The following RHOT1 variants were observed in gnomAD, a reference collection of about 807,000 sequenced individuals.
RHOT1 encodes the protein ras homolog family member T1.
A neutral mutation model predicts 95.3 loss-of-function variants in RHOT1; 27 were observed. The ratio of observed to expected loss-of-function variants is 0.28; its 90% CI spans 0.21 to 0.39. The LOEUF is 0.39. RHOT1 is among the 10% of genes least tolerant of loss of function. The pLI is 1.00. For synonymous variants in RHOT1, 227 were observed against 263.5 expected (o/e 0.86, Z 1.34); for missense variants, 578 against 786.7 (o/e 0.73, Z 3.17).
rs2035231019 is a variant in RHOT1 at position 32,178,547 on chromosome 17, C to T, written c.329+2334C>T. On this transcript the variant is annotated intron_variant, in intron 6 of 19. Coordinates refer to ENST00000545287, the MANE Select transcript of RHOT1 (RefSeq NM_001033566.3). ...TGGGATCTCGGCTCGCTACAACCTT[C>T]ACCTCCCAGCCGCCTGCCTTGGCCT... 2.6e-5 allele frequency among the ~76,000 whole-genome samples: 4 copies of T among 152,140 alleles called. No homozygotes were observed. The South Asian group carries it at 8.3e-4, about 31-fold the overall frequency.
chr17:32,221,422 T>C (rs767905039), intron 19 of RHOT1, among the ~76,000 whole-genome samples: 3 of 151,308 alleles, frequency 2.0e-5, no homozygotes, highest in Non-Finnish European at 2.9e-5. Flanking sequence ...TTTATGAAAC[T>C]GTACTTGCCT....
At chr17:32,183,567 C>T (rs1644493475) in intron 8 of RHOT1, among the ~76,000 whole-genome samples, 1 of 152,182 alleles carries the variant, frequency 6.6e-6, no homozygotes, top group South Asian at 2.1e-4. Context: ...AGCTAATGGT[C>T]TTCTTGTTTT....
intron 1 of RHOT1, among the ~76,000 whole-genome samples, chr17:32,154,285 TAA>T (rs539073195): frequency 5.6e-5 from 7 of 124,756 alleles, no homozygotes; most frequent in Non-Finnish European, 8.5e-5. Flanking sequence ...TACGAGAAAT[TAA>T]AAAAAAAAAA....
At chr17:32,170,984 A>C in intron 1 of RHOT1, 59 bp from the exon 2 acceptor site, 1 of 1,290,482 alleles carries the variant, frequency 7.7e-7, no homozygotes, top group East Asian at 2.4e-5. Flanking sequence ...TGTGGTTGCC[A>C]AATTTGAGCT....
intron 12 of RHOT1, 75 bp from the exon 13 acceptor site, chr17:32,199,330 C>G: frequency 7.2e-7 from 1 of 1,383,510 alleles, no homozygotes; most frequent in Non-Finnish European, 1.0e-6. Flanking sequence ...CATAGCTTTA[C>G]TAGATTGGGG....
intron 1 of RHOT1, chr17:32,150,452 T>G: frequency 7.8e-6 from 6 of 772,276 alleles, no homozygotes; most frequent in Non-Finnish European, 1.3e-5. Context: ...AAGTCTACCA[T>G]ATTGGAGGTT....
intron 6 of RHOT1, among the ~76,000 whole-genome samples, chr17:32,182,206 A>T (rs1257012595): frequency 6.6e-6 from 1 of 152,136 alleles, no homozygotes. Context: ...TGGAATGATC[A>T]GGTTTATAGA....
chr17:32,148,592 A>C (rs980623718), intron 1 of RHOT1, among the ~76,000 whole-genome samples: 2 of 152,138 alleles, frequency 1.3e-5, no homozygotes, highest in African/African-American at 4.8e-5. Flanking sequence ...TGTCCTTTGG[A>C]ACAGTGTTTA....
chr17:32,202,446 A>G (rs1052950545), intron 14 of RHOT1, among the ~76,000 whole-genome samples: 1 of 152,196 alleles, frequency 6.6e-6, no homozygotes, highest in African/African-American at 2.4e-5. Flanking sequence ...AATGTTGGCT[A>G]TATTCTTAGT....
At chr17:32,163,429 T>C (rs1238981269) in intron 1 of RHOT1, among the ~76,000 whole-genome samples, 3 of 152,148 alleles carry the variant, frequency 2.0e-5, no homozygotes, top group Non-Finnish European at 2.9e-5. Context: ...TATCCAGATA[T>C]GTAAAAAGAA....
chr17:32,197,420 A>C lies in RHOT1; in HGVS notation c.870-1527A>C, dbSNP rs145793495. On this transcript the variant is annotated intron_variant, in intron 11 of 19. Coordinates refer to ENST00000545287, the MANE Select transcript of RHOT1 (RefSeq NM_001033566.3). ...ATTTTCTTTTTTCTTCTTTTTTCTT[A>C]TTTTTTTATTTTTTTATTTTTTGAG... is the stretch of plus-strand genomic sequence containing the variant. Among the ~76,000 whole-genome samples, 1,085 of 139,288 alleles carry C rather than the reference A, an allele frequency of 7.8e-3. 5 individuals are homozygous for C. The highest frequency in any genetic ancestry group is 0.017 in the Middle Eastern group (4 of 232). The allele number at this position is 139,288 out of a possible 152,430, so 91.4% of individuals were successfully genotyped here. A position where few individuals can be genotyped will look rare whatever the true frequency, so the allele number is the denominator to read the frequency against.
chr17:32,189,721 CTT>C (rs1284279286), intron 8 of RHOT1, among the ~76,000 whole-genome samples: 3 of 138,740 alleles, frequency 2.2e-5, no homozygotes, highest in Non-Finnish European at 4.6e-5. Context: ...ACAACAATAT[CTT>C]TTCTTTTCTT....
At chr17:32,188,289 G>A (rs2036207728) in intron 8 of RHOT1, among the ~76,000 whole-genome samples, 1 of 152,338 alleles carries the variant, frequency 6.6e-6, no homozygotes, top group Non-Finnish European at 1.5e-5. Context: ...TTTAGACCTT[G>A]ATGCAAATGC....
At chr17:32,186,835 T>A (rs950321403) in intron 8 of RHOT1, among the ~76,000 whole-genome samples, 1 of 151,990 alleles carries the variant, frequency 6.6e-6, no homozygotes, top group Non-Finnish European at 1.5e-5. Flanking sequence ...TAATTTTTAA[T>A]TTTTTTTGTA....
intron 1 of RHOT1, among the ~76,000 whole-genome samples, chr17:32,149,623 A>G (rs1333202931): frequency 0.074 from 6,348 of 85,574 alleles, 849 homozygotes; most frequent in African/African-American, 0.33. Flanking sequence ...ATATATATAT[A>G]TATATATATA....
intron 1 of RHOT1, among the ~76,000 whole-genome samples, chr17:32,167,201 T>C (rs1321674862): frequency 3.9e-5 from 6 of 152,188 alleles, no homozygotes; most frequent in Non-Finnish European, 8.8e-5. Context: ...GGAATCTTTT[T>C]TTTTTTTGAG....
At chr17:32,191,764 CAG>C (rs1259220074) in intron 8 of RHOT1, among the ~76,000 whole-genome samples, 1 of 152,156 alleles carries the variant, frequency 6.6e-6, no homozygotes, top group East Asian at 1.9e-4. Context: ...AACATACACA[CAG>C]GGGAAAGATC....
intron 1 of RHOT1, among the ~76,000 whole-genome samples, chr17:32,144,385 T>C (rs1449672968): frequency 6.6e-6 from 1 of 151,884 alleles, no homozygotes; most frequent in Admixed American, 6.6e-5. Flanking sequence ...CCGTCTCTAC[T>C]AAAAATACGA....
In RHOT1 at chr17:32,159,251, A is replaced by C; in HGVS notation, c.38-11792A>C. 2 of 152,716 alleles carry C rather than the reference A, an allele frequency of 1.3e-5. 1 individual carries two copies. Among genetic ancestry groups the C allele is most frequent in the Non-Finnish European group, 2.9e-5 (2 of 68,436 alleles). 9.5% of individuals were successfully genotyped at this position (152,716 alleles called of 1,614,324 possible). On this transcript the variant is annotated intron_variant, in intron 1 of 19. Transcript: ENST00000545287. ...TGCAGGGAAAATGTGGAGAGGAGGC[A>C]TGTAGTCCCCAGAGCCCACACCTGG...
Sources: allele counts gnomAD v4.1 joint callset (sites outside exome capture counted in the v4.1 genomes callset), GRCh38; gene constraint gnomAD v4.1.1; transcripts MANE v1.5; gene names NCBI Gene and HGNC (gene_info 2026-07-23, HGNC 2026-07-21).